The following KLHL5 variants were observed in gnomAD, a reference collection of about 807,000 sequenced individuals.
The protein encoded by KLHL5 is kelch-like protein 5.
A neutral mutation model predicts 77.7 loss-of-function variants in KLHL5; 48 were observed. The ratio of observed to expected loss-of-function variants is 0.62; its 90% CI spans 0.49 to 0.79. KLHL5 has a LOEUF of 0.79. Among genes scored for constraint, KLHL5 ranks in the 30% least tolerant of loss-of-function variants. The pLI is 0.00. For missense variants in KLHL5, 723 were observed against 859.7 expected, an observed-to-expected ratio of 0.84 and a Z score of 1.99; for synonymous variants, 260 against 297.0, an observed-to-expected ratio of 0.88 and a Z score of 1.28.
chr4:39,097,949 G>A (rs1465561295), intron 6 of KLHL5, among the ~76,000 whole-genome samples: 1 of 151,832 alleles, frequency 6.6e-6, no homozygotes, highest in Non-Finnish European at 1.5e-5. Flanking sequence ...TGGGCAATAT[G>A]GTGAAACCCC....
chr4:39,091,604 C>G (rs1720556200), intron 5 of KLHL5, among the ~76,000 whole-genome samples: 1 of 151,856 alleles, frequency 6.6e-6, no homozygotes, highest in South Asian at 2.1e-4. Flanking sequence ...TACAGAAAGT[C>G]AGAAATATAA....
At chr4:39,052,691 T>G (rs1577625962) in intron 1 of KLHL5, among the ~76,000 whole-genome samples, 2 of 152,344 alleles carry the variant, frequency 1.3e-5, no homozygotes, top group South Asian at 4.1e-4. Flanking sequence ...TCATTTCTAC[T>G]TAATATTTGC....
intron 5 of KLHL5, among the ~76,000 whole-genome samples, chr4:39,089,544 A>G (rs1720330930): frequency 6.6e-6 from 1 of 152,196 alleles, no homozygotes. Flanking sequence ...TAGGAAACAC[A>G]GTATATAGTG....
chr4:39,086,987 T>C (rs1392470480), intron 5 of KLHL5, among the ~76,000 whole-genome samples: 1 of 138,324 alleles, frequency 7.2e-6, no homozygotes. Flanking sequence ...CTCAGGTCAC[T>C]GCAACCTCCG....
intron 2 of KLHL5, among the ~76,000 whole-genome samples, chr4:39,078,683 G>C (rs1719321226): frequency 6.6e-6 from 1 of 152,090 alleles, no homozygotes; most frequent in African/African-American, 2.4e-5. Context: ...CGTGGAGACA[G>C]AGTGAGACTC....
At position 39,122,012 on chromosome 4, in the gene KLHL5, T is replaced by A. The variant is rs1441155539; in HGVS notation, c.*946T>A. The stretch of plus-strand genomic sequence containing the variant: ...CCACAGTTAACCCATTGTGCTTCTT[T>A]GTAATCAAACAGTTTGTGGGAGAAT... On this transcript the variant is annotated 3_prime_UTR_variant, in exon 11 of 11. Transcript: ENST00000504108. 1 of 152,672 alleles carries A rather than the reference T, an allele frequency of 6.5e-6. No homozygotes were observed. The highest frequency in any genetic ancestry group is 2.4e-5 in the African/African-American group (1 of 41,462). The allele number at this position is 152,672 out of a possible 1,614,324, so 9.5% of individuals were successfully genotyped here.
At chr4:39,069,024 T>G (rs1395903358) in intron 1 of KLHL5, among the ~76,000 whole-genome samples, 1 of 152,216 alleles carries the variant, frequency 6.6e-6, no homozygotes, top group Admixed American at 6.5e-5. Context: ...TAGCTCTGCT[T>G]CACAAGTTCA....
intron 5 of KLHL5, among the ~76,000 whole-genome samples, chr4:39,090,190 A>C (rs1037561492): frequency 6.6e-6 from 1 of 152,216 alleles, no homozygotes; most frequent in Non-Finnish European, 1.5e-5. Flanking sequence ...ATAATAAATG[A>C]CTAATATTTT....
rs1357557233 is a variant in KLHL5 at position 39,096,729 on chromosome 4, A to G, written c.1151A>G (p.Asp384Gly). The G allele has an allele frequency of 1.2e-6, 2 of 1,612,776 alleles. No homozygotes were observed. Among genetic ancestry groups the G allele is most frequent in the South Asian group, 1.1e-5 (1 of 91,032 alleles). ...ADMENNVLFR[D>G]DIECQKLIME... ...ATGGAAAATAATGTACTTTTTCGGG[A>G]TGATATAGAATGTCAGAAACTCATT... Residue 384 changes from aspartate (D) to glycine (G), a missense_variant, in exon 6 of 11, where the codon GAT becomes GGT. Coordinates refer to ENST00000504108, the MANE Select transcript of KLHL5 (RefSeq NM_015990.5).
At chr4:39,074,377 G>C (rs16995081) in intron 1 of KLHL5, among the ~76,000 whole-genome samples, 4,340 of 152,254 alleles carry the variant, frequency 0.029, 179 homozygotes, top group African/African-American at 0.098. Context: ...GTTCTTGCTT[G>C]AGTTATCTTT....
intron 1 of KLHL5, among the ~76,000 whole-genome samples, chr4:39,050,470 G>A (rs1292200250): frequency 6.6e-6 from 1 of 152,204 alleles, no homozygotes; most frequent in South Asian, 2.1e-4. Context: ...TTTCTTGCTA[G>A]TGTCTCTCTC....
chr4:39,117,362 G>C (rs1035479390), intron 10 of KLHL5, among the ~76,000 whole-genome samples: 4 of 152,174 alleles, frequency 2.6e-5, no homozygotes, highest in Admixed American at 2.6e-4. Context: ...CCAAGCTAAA[G>C]AGTTTGGTAA....
chr4:39,103,398 A>G lies in KLHL5; in HGVS notation c.1412A>G (p.Tyr471Cys). Residue 471 changes from tyrosine (Y) to cysteine (C), a missense_variant, in exon 7 of 11, where the codon TAT (tyrosine) becomes TGT (cysteine). Physicochemically the swap from Tyr to Cys is radical, Grantham distance 194. This residue lies in a region of KLHL5 where 288 missense variants were observed against 400.3 expected (regional missense o/e 0.72). Coordinates refer to ENST00000504108, the MANE Select transcript of KLHL5 (RefSeq NM_015990.5). ...FGVAVLDDKL[Y>C]VVGGRDGLKT... The stretch of plus-strand genomic sequence containing the variant: ...GTTGCAGTGCTAGATGACAAACTGT[A>G]TGTGGTTGGAGGAAGAGATGGACTG... 1 of 1,614,176 alleles carries G rather than the reference A, an allele frequency of 6.2e-7. No individual in the cohort carries two copies.
intron 1 of KLHL5, among the ~76,000 whole-genome samples, chr4:39,069,473 T>TACACACACAC (rs57779550): frequency 1.4e-5 from 1 of 70,336 alleles, no homozygotes; most frequent in African/African-American, 5.8e-5. Context: ...TATATATATA[T>TACACACACAC]ACACACACAC....
intron 9 of KLHL5, among the ~76,000 whole-genome samples, chr4:39,114,147 C>T (rs1468005922): frequency 6.6e-6 from 1 of 152,010 alleles, no homozygotes; most frequent in Non-Finnish European, 1.5e-5. Context: ...ACAGAATATC[C>T]AGGACTGATT....
At chr4:39,044,998 C>A (rs1162177014), upstream of KLHL5, 1 of 992,110 alleles carries the variant, frequency 1.0e-6, no homozygotes, top group Non-Finnish European at 1.2e-6. Context: ...GGCCGAGCAT[C>A]CCACTCAGCT....
intron 10 of KLHL5, 83 bp from the exon 11 acceptor site, chr4:39,120,927 C>A: frequency 1.9e-6 from 2 of 1,061,314 alleles, no homozygotes; most frequent in Non-Finnish European, 2.9e-6. Flanking sequence ...CAAGTACAGG[C>A]TGTTTCAATA....
At chr4:39,128,713 A>C (rs1393004578), downstream of KLHL5, among the ~76,000 whole-genome samples, 1 of 152,210 alleles carries the variant, frequency 6.6e-6, no homozygotes, top group Non-Finnish European at 1.5e-5. Context: ...CTGTAATCCC[A>C]GCACTTTGGG....
chr4:39,131,027 T>TG (rs1295364018), downstream of KLHL5, among the ~76,000 whole-genome samples: 1 of 149,962 alleles, frequency 6.7e-6, no homozygotes, highest in Non-Finnish European at 1.5e-5. Flanking sequence ...ATTTTTTTTT[T>TG]TTTTTTGTAG....
Sources: gnomAD v4.1 joint callset for allele counts (sites outside exome capture counted in the v4.1 genomes callset) on GRCh38, gnomAD v4.1.1 for gene constraint, gnomAD v4.1.1 regional missense constraint, MANE v1.5 for transcripts, NCBI Gene and HGNC (gene_info 2026-07-23, HGNC 2026-07-21) for gene names.